The following TRMT9B variants were observed in gnomAD, a reference collection of about 807,000 sequenced individuals.
The protein encoded by TRMT9B is tRNA methyltransferase 9B (putative).
In TRMT9B, 16 loss-of-function variants were observed where a neutral mutation model predicts 11.5. That is an observed-to-expected ratio of 1.39 (90% confidence interval 0.94 to 2.11). TRMT9B has a LOEUF of 2.11. Ranked by LOEUF, TRMT9B falls within the 30% of genes most tolerant of loss-of-function variation. The pLI is 0.00. For synonymous variants in TRMT9B, 274 were observed against 192.4 expected (o/e 1.42, Z -3.51); for missense variants, 941 against 553.8 (o/e 1.70, Z -7.02).
At chr8:12,965,207 G>C (rs1802652915) in intron 1 of TRMT9B, among the ~76,000 whole-genome samples, 1 of 152,230 alleles carries the variant, frequency 6.6e-6, no homozygotes, top group Non-Finnish European at 1.5e-5. Context: ...CTCTGTGTGT[G>C]ATATAAGCAT....
intron 1 of TRMT9B, chr8:12,970,113 C>G (rs1803385968): frequency 2.0e-5 from 3 of 152,194 alleles, no homozygotes; most frequent in African/African-American, 7.2e-5. Flanking sequence ...TAGCCCCTCA[C>G]CTGGTGATAA....
chr8:13,009,201 T>C (rs756843321), intron 3 of TRMT9B, among the ~76,000 whole-genome samples: 7 of 151,896 alleles, frequency 4.6e-5, no homozygotes, highest in Non-Finnish European at 8.8e-5. Context: ...TCTAAAACAG[T>C]TGGACTCATA....
intron 1 of TRMT9B, among the ~76,000 whole-genome samples, chr8:12,984,648 C>A (rs148115840): frequency 6.6e-6 from 1 of 152,030 alleles, no homozygotes; most frequent in Non-Finnish European, 1.5e-5. Context: ...TTTGGGGGAC[C>A]TATTGCTTTT....
chr8:12,991,672 C>T (rs1807357270), intron 2 of TRMT9B, among the ~76,000 whole-genome samples: 1 of 152,144 alleles, frequency 6.6e-6, no homozygotes, highest in African/African-American at 2.4e-5. Context: ...TTGGCTCATG[C>T]CTGTAATTCC....
chr8:12,974,126 G>A (rs1204969234), intron 1 of TRMT9B, among the ~76,000 whole-genome samples: 1 of 152,050 alleles, frequency 6.6e-6, no homozygotes, highest in East Asian at 1.9e-4. Flanking sequence ...AGCCAAGATC[G>A]CACCGATGCT....
chr8:12,968,031 C>A lies in TRMT9B; in HGVS notation c.-200+22065C>A, dbSNP rs1803059005. ...TCCTGAGCAGCTGGGACTACAGGCACACACCACCACACCCAGCTAATTCTT... is the reference window on the plus strand; with the variant it reads ...TCCTGAGCAGCTGGGACTACAGGCAAACACCACCACACCCAGCTAATTCTT... On this transcript the variant is annotated intron_variant, in intron 1 of 4. Transcript: ENST00000524591. 2.6e-5 allele frequency among the ~76,000 whole-genome samples: 4 copies of A among 152,160 alleles called. No individual in the cohort carries two copies. In the South Asian group the frequency reaches 8.3e-4, roughly 31 times the overall value.
At chr8:12,950,540 T>A (rs1800517631) in intron 1 of TRMT9B, among the ~76,000 whole-genome samples, 1 of 151,500 alleles carries the variant, frequency 6.6e-6, no homozygotes, top group African/African-American at 2.4e-5. Flanking sequence ...CGTGGTTTTT[T>A]CTTTCTTTCT....
intron 3 of TRMT9B, among the ~76,000 whole-genome samples, chr8:13,008,286 C>G (rs1810882502): frequency 6.6e-6 from 1 of 152,210 alleles, no homozygotes; most frequent in African/African-American, 2.4e-5. Context: ...TTCAGGAACA[C>G]TAGACGGCAT....
rs1814338448 is a variant in TRMT9B, at chr8:13,023,951, T to A, written c.*1907T>A. ...TGGTGAAAATGATGCATATGAGTTG[T>A]ACTGTTCAGTGTACATCCTGCAGTA... On this transcript the variant is annotated 3_prime_UTR_variant, in exon 5 of 5. Transcript: ENST00000524591. 6.0e-6 allele frequency: 1 copy of A among 167,016 alleles called. No homozygotes were observed. The highest frequency in any genetic ancestry group is 1.5e-5 in the Non-Finnish European group (1 of 68,110). 10.3% of individuals were successfully genotyped at this position (167,016 alleles called of 1,614,324 possible). A position where few individuals can be genotyped will look rare whatever the true frequency, so the allele number is the denominator to read the frequency against.
rs907722019 is a variant in TRMT9B at position 13,025,075 on chromosome 8, G to A, written c.*3031G>A. On this transcript the variant is annotated 3_prime_UTR_variant, in exon 5 of 5. Coordinates refer to ENST00000524591, the MANE Select transcript of TRMT9B (RefSeq NM_020844.3). ...CTTGATGATAGATTCTACTGACCTA[G>A]CTGGAGTAATCTGATCACTTACTTC... is the stretch of plus-strand genomic sequence containing the variant. 4 of 166,930 alleles carry A rather than the reference G, an allele frequency of 2.4e-5. No individual in the cohort carries two copies. The highest frequency in any genetic ancestry group is 9.7e-5 in the African/African-American group (4 of 41,340). 10.3% of individuals were successfully genotyped at this position (166,930 alleles called of 1,614,324 possible). A position where few individuals can be genotyped will look rare whatever the true frequency, so the allele number is the denominator to read the frequency against.
In TRMT9B at chr8:13,021,418, T is replaced by A. The variant is rs1236632592; in HGVS notation, c.739T>A (p.Phe247Ile). The A allele has an allele frequency of 6.2e-7, 1 of 1,614,038 alleles. No homozygotes were observed. The highest frequency in any genetic ancestry group is 1.7e-5 in the Admixed American group (1 of 60,026). ...ATTTTACAGCACATTAGGAAAATCGTTTCGTTCCTGGTTTTTCTCCAGATC... is the reference window on the plus strand; with the variant it reads ...ATTTTACAGCACATTAGGAAAATCGATTCGTTCCTGGTTTTTCTCCAGATC... ...YGFYSTLGKSFRSWFFSRSLD... is the reference protein window; with the variant it reads ...YGFYSTLGKSIRSWFFSRSLD... The change falls in exon 5 of 5, where the codon TTT (phenylalanine) becomes ATT (isoleucine). Residue 247 changes from phenylalanine to isoleucine, a missense_variant. Phe to Ile is a conservative substitution (Grantham distance 21, BLOSUM62 0). Transcript: ENST00000524591.
chr8:13,000,619 C>T (rs183082046), intron 2 of TRMT9B, among the ~76,000 whole-genome samples: 14 of 152,264 alleles, frequency 9.2e-5, no homozygotes, highest in African/African-American at 2.4e-4. Context: ...ATCACATTTA[C>T]GATTTCTTTT....
At chr8:12,991,786 C>G (rs924720506) in intron 2 of TRMT9B, among the ~76,000 whole-genome samples, 5 of 152,014 alleles carry the variant, frequency 3.3e-5, no homozygotes, top group African/African-American at 1.2e-4. Flanking sequence ...CACAACTTAG[C>G]CAGGCGTGGT....
chr8:13,021,064 A>G lies in TRMT9B; in HGVS notation c.385A>G (p.Arg129Gly). ...AATCAGAGCAATAAAAGAAATGGCC[A>G]GGGTCTTAGTTCCCGGAGGCCAACT... ...RRIRAIKEMARVLVPGGQLMI... is the reference protein window; with the variant it reads ...RRIRAIKEMAGVLVPGGQLMI... The change falls in exon 5 of 5, where the codon AGG (arginine) becomes GGG (glycine). Residue 129 changes from arginine (R) to glycine (G), a missense_variant. By Grantham distance (125) the Arg-to-Gly change is moderately radical. Transcript: ENST00000524591. The G allele has an allele frequency of 6.3e-7, 1 of 1,595,936 alleles. No homozygotes were observed. Among genetic ancestry groups the G allele is most frequent in the South Asian group, 1.1e-5 (1 of 88,278 alleles).
intron 1 of TRMT9B, among the ~76,000 whole-genome samples, chr8:12,957,446 C>T (rs978602771): frequency 7.2e-6 from 1 of 139,748 alleles, no homozygotes; most frequent in African/African-American, 2.7e-5. Context: ...TTCCATGGGA[C>T]ATCAAATTTA....
At position 12,990,850 on chromosome 8, in the gene TRMT9B, A is replaced by T; in HGVS notation, c.-183A>T. ...TCCTGATAGGGCCTGTGCTTCCTTC[A>T]GAGACTCACACAAGAGGTTTATCAT... On this transcript the variant is annotated 5_prime_UTR_variant, in exon 2 of 5. Coordinates refer to ENST00000524591, the MANE Select transcript of TRMT9B (RefSeq NM_020844.3). The T allele has an allele frequency of 7.8e-7, 1 of 1,289,450 alleles. No homozygotes were observed. The highest frequency in any genetic ancestry group is 1.0e-6 in the Non-Finnish European group (1 of 988,474). The allele number at this position is 1,289,450 out of a possible 1,614,324, so 79.9% of individuals were successfully genotyped here. A position where few individuals can be genotyped will look rare whatever the true frequency, so the allele number is the denominator to read the frequency against.
chr8:12,961,700 C>CA (rs756821000), intron 1 of TRMT9B: 3,291 of 51,106 alleles, frequency 0.064, 174 homozygotes, highest in African/African-American at 0.16. Context: ...GACTCCATCT[C>CA]AAAAAAAAAA....
intron 1 of TRMT9B, among the ~76,000 whole-genome samples, chr8:12,979,502 G>A (rs11786846): frequency 0.28 from 43,132 of 151,960 alleles, 6,616 homozygotes; most frequent in East Asian, 0.59. Context: ...AAAAAATAAA[G>A]GTTTGTGTTT....
In TRMT9B at chr8:13,021,215, G is replaced by A. The variant is rs776497454; in HGVS notation, c.536G>A (p.Arg179Lys). 1.9e-5 allele frequency: 31 copies of A among 1,613,788 alleles called. No individual in the cohort carries two copies. In the African/African-American group the frequency reaches 3.2e-4, roughly 17 times the overall value. Residue 179 changes from arginine to lysine, a missense_variant, in exon 5 of 5, where the codon AGG (arginine) becomes AAG (lysine). By Grantham distance (26) the Arg-to-Lys change is conservative. Transcript: ENST00000524591. ...FSESSQSGRKRQCGYPERGHP... is the reference protein window; with the variant it reads ...FSESSQSGRKKQCGYPERGHP... ...GAGTCCAGCCAGTCTGGGAGGAAGA[G>A]GCAGTGTGGATACCCAGAAAGAGGC... is the stretch of plus-strand genomic sequence containing the variant.
Sources: allele counts gnomAD v4.1 joint callset (sites outside exome capture counted in the v4.1 genomes callset), GRCh38; gene constraint gnomAD v4.1.1; transcripts MANE v1.5; gene names NCBI Gene and HGNC (gene_info 2026-07-23, HGNC 2026-07-21).